Variants in AGMO observed in about 807,000 individuals in gnomAD.
AGMO encodes alkylglycerol monooxygenase, also known as glyceryl-ether monooxygenase.
Under a neutral mutation model 60.2 loss-of-function variants are expected in AGMO, and 75 were observed. The observed-to-expected ratio is 1.25, with a 90% CI of 1.03 to 1.51. The LOEUF (loss-of-function observed/expected upper bound fraction) is 1.51, where lower values mean the gene tolerates loss of function less well. Ranked by LOEUF, AGMO falls within the 40% of genes most tolerant of loss-of-function variation. The pLI is 0.00. For missense variants in AGMO, 763 were observed against 525.5 expected, an observed-to-expected ratio of 1.45 and a Z score of -4.42; for synonymous variants, 261 against 177.1, an observed-to-expected ratio of 1.47 and a Z score of -3.76.
chr7:15,264,378 T>G (rs1447801563), intron 12 of AGMO, among the ~76,000 whole-genome samples: 1 of 151,940 alleles, frequency 6.6e-6, no homozygotes, highest in Non-Finnish European at 1.5e-5. Context: ...TGGACAACCC[T>G]AGACCCAAAA....
At chr7:15,207,467 C>G (rs1781468844) in intron 12 of AGMO, among the ~76,000 whole-genome samples, 1 of 152,132 alleles carries the variant, frequency 6.6e-6, no homozygotes, top group African/African-American at 2.4e-5. Context: ...AGATTCTTGC[C>G]TTTCCTTATA....
In AGMO at chr7:15,561,803, C is replaced by T. The variant is rs776437721; in HGVS notation, c.43G>A (p.Gly15Arg). The T allele has an allele frequency of 1.9e-6, 3 of 1,609,576 alleles. No individual in the cohort carries two copies. Among genetic ancestry groups the T allele is most frequent in the East Asian group, 4.5e-5 (2 of 44,700 alleles). The part of the protein sequence containing the change: ...EAQQDVSVSQ[G>R]FRMLFYTMKP... ...ATCGTGTAAAACAACATGCGAAATC[C>T]CTGGGAAACTGAAACATCCTGCTGG... The change falls in exon 1 of 13, where the codon GGA (glycine) becomes AGA (arginine). Residue 15 changes from glycine to arginine, a missense_variant. Gly to Arg is a moderately radical substitution (Grantham distance 125, BLOSUM62 -2). Coordinates refer to ENST00000342526, the MANE Select transcript of AGMO (RefSeq NM_001004320.2).
chr7:15,481,763 T>C (rs934183969), intron 3 of AGMO, among the ~76,000 whole-genome samples: 1 of 151,362 alleles, frequency 6.6e-6, no homozygotes, highest in African/African-American at 2.4e-5. Context: ...CCCTGATGCA[T>C]TTATGCATTT....
At chr7:15,497,741 T>C (rs1327087439) in intron 3 of AGMO, among the ~76,000 whole-genome samples, 2 of 152,066 alleles carry the variant, frequency 1.3e-5, no homozygotes, top group East Asian at 3.9e-4. Flanking sequence ...ATATATTTCC[T>C]CAACTCAGTG....
chr7:15,360,196 C>T (rs1782694258), intron 12 of AGMO, among the ~76,000 whole-genome samples: 1 of 152,132 alleles, frequency 6.6e-6, no homozygotes, highest in Admixed American at 6.5e-5. Context: ...TGAAAGCAGA[C>T]AGAGGTACTC....
intron 12 of AGMO, among the ~76,000 whole-genome samples, chr7:15,312,032 T>C (rs1348316402): frequency 6.6e-6 from 1 of 151,288 alleles, no homozygotes; most frequent in South Asian, 2.1e-4. Context: ...TCCAAATGCA[T>C]CACTGGGAGA....
chr7:15,239,570 T>C (rs1458167085), intron 12 of AGMO, among the ~76,000 whole-genome samples: 2 of 152,174 alleles, frequency 1.3e-5, no homozygotes, highest in Non-Finnish European at 2.9e-5. Context: ...AAGAACCCTA[T>C]AGCAATTCGT....
chr7:15,345,770 T>C (rs531333442), intron 12 of AGMO, among the ~76,000 whole-genome samples: 11 of 152,282 alleles, frequency 7.2e-5, no homozygotes, highest in African/African-American at 2.6e-4. Context: ...ATAACTTACT[T>C]ATCTATATTC....
chr7:15,387,780 G>A (rs958157171), intron 8 of AGMO, among the ~76,000 whole-genome samples: 1 of 152,032 alleles, frequency 6.6e-6, no homozygotes, highest in East Asian at 1.9e-4. Flanking sequence ...ATTTTGAAAT[G>A]TAAAAACAGG....
chr7:15,500,332 G>C (rs1404110691), intron 3 of AGMO, among the ~76,000 whole-genome samples: 1 of 151,838 alleles, frequency 6.6e-6, no homozygotes, highest in Non-Finnish European at 1.5e-5. Context: ...AAGTGGCCTT[G>C]TCTTTAAAGA....
intron 12 of AGMO, among the ~76,000 whole-genome samples, chr7:15,271,527 A>C (rs1783611035): frequency 6.6e-6 from 1 of 152,138 alleles, no homozygotes; most frequent in Admixed American, 6.6e-5. Context: ...GTATCTTGAA[A>C]ATTTACAGAA....
chr7:15,263,411 T>A (rs370145870), intron 12 of AGMO, among the ~76,000 whole-genome samples: 1 of 151,310 alleles, frequency 6.6e-6, no homozygotes, highest in Non-Finnish European at 1.5e-5. Flanking sequence ...ATGGGCATAA[T>A]AAAAAAAATA....
intron 12 of AGMO, among the ~76,000 whole-genome samples, chr7:15,232,630 G>C (rs1032462984): frequency 3.9e-5 from 6 of 152,100 alleles, no homozygotes; most frequent in African/African-American, 9.7e-5. Flanking sequence ...AAAATTTAAA[G>C]AATGTGTGCT....
chr7:15,394,654 C>T (rs530781807), intron 5 of AGMO, among the ~76,000 whole-genome samples: 1 of 152,104 alleles, frequency 6.6e-6, no homozygotes, highest in African/African-American at 2.4e-5. Flanking sequence ...GCTTTATTTA[C>T]GGGAGCAGGG....
chr7:15,397,059 C>T (rs112978555), intron 5 of AGMO, among the ~76,000 whole-genome samples: 2,084 of 152,256 alleles, frequency 0.014, 33 homozygotes, highest in African/African-American at 0.046. Flanking sequence ...CCACCGGTCC[C>T]AGAAGCCCAG....
chr7:15,529,304 A>G (rs550936309), intron 3 of AGMO, among the ~76,000 whole-genome samples: 2 of 151,278 alleles, frequency 1.3e-5, no homozygotes, highest in East Asian at 2.0e-4. Flanking sequence ...TATAATATTT[A>G]AATATATATT....
intron 6 of AGMO, among the ~76,000 whole-genome samples, chr7:15,393,578 T>A (rs1450798198): frequency 6.6e-6 from 1 of 152,246 alleles, no homozygotes; most frequent in Non-Finnish European, 1.5e-5. Flanking sequence ...ATTTTTGTTG[T>A]TACTTAAGTT....
At chr7:15,296,592 CCTT>C (rs775411813) in intron 12 of AGMO, among the ~76,000 whole-genome samples, 1 of 152,062 alleles carries the variant, frequency 6.6e-6, no homozygotes, top group African/African-American at 2.4e-5. Context: ...TTTTTATCCT[CCTT>C]ATTTAATAGT....
chr7:15,261,869 T>A (rs1783282795), intron 12 of AGMO, among the ~76,000 whole-genome samples: 1 of 151,944 alleles, frequency 6.6e-6, no homozygotes, highest in Non-Finnish European at 1.5e-5. Flanking sequence ...ATAAATGTGA[T>A]ACACCACATA....
Sources: allele counts gnomAD v4.1 joint callset (sites outside exome capture counted in the v4.1 genomes callset), GRCh38; gene constraint gnomAD v4.1.1; transcripts MANE v1.5; gene names NCBI Gene and HGNC (gene_info 2026-07-23, HGNC 2026-07-21).